Variants in PRKN observed in about 807,000 individuals in gnomAD.
PRKN encodes the protein E3 ubiquitin-protein ligase parkin.
In PRKN, 56 loss-of-function variants were observed where a neutral mutation model predicts 59.5. The observed-to-expected ratio is 0.94, with a 90% CI of 0.76 to 1.18. The LOEUF is 1.18. PRKN is among the 50% of genes most tolerant of loss of function. The pLI is 0.00. For missense variants in PRKN, 657 were observed against 596.4 expected (o/e 1.10, Z -1.06); for synonymous variants, 250 against 222.1 (o/e 1.13, Z -1.12).
intron 6 of PRKN, among the ~76,000 whole-genome samples, chr6:161,959,558 T>A (rs1425505216): frequency 6.6e-6 from 1 of 152,184 alleles, no homozygotes; most frequent in East Asian, 1.9e-4. Flanking sequence ...CCAAAACTAC[T>A]TCTTATACAA....
intron 2 of PRKN, among the ~76,000 whole-genome samples, chr6:162,349,166 A>G (rs1483497626): frequency 6.6e-6 from 1 of 152,194 alleles, no homozygotes. Flanking sequence ...ACTTTAGCAG[A>G]AAATTAAAAA....
intron 2 of PRKN, among the ~76,000 whole-genome samples, chr6:162,381,832 C>G (rs1296899679): frequency 1.3e-5 from 2 of 152,136 alleles, no homozygotes; most frequent in East Asian, 3.9e-4. Context: ...AATATACATT[C>G]TCTTTTCCAC....
At chr6:162,599,353 G>A (rs1781610638) in intron 1 of PRKN, among the ~76,000 whole-genome samples, 1 of 152,108 alleles carries the variant, frequency 6.6e-6, no homozygotes, top group Admixed American at 6.6e-5. Flanking sequence ...GGTGGACCAG[G>A]AAAGTCCACC....
chr6:162,112,635 G>A (rs2128302802), intron 4 of PRKN, among the ~76,000 whole-genome samples: 1 of 152,188 alleles, frequency 6.6e-6, no homozygotes, highest in East Asian at 1.9e-4. Context: ...AATGTCCTAG[G>A]CCGGGCGCAG....
chr6:162,514,155 A>C (rs993693346), intron 1 of PRKN, among the ~76,000 whole-genome samples: 21 of 152,344 alleles, frequency 1.4e-4, no homozygotes, highest in African/African-American at 5.1e-4. Flanking sequence ...CAGTAGACAA[A>C]AAAATATAAA....
intron 5 of PRKN, among the ~76,000 whole-genome samples, chr6:162,050,624 C>T (rs932619656): frequency 6.6e-6 from 1 of 152,114 alleles, no homozygotes; most frequent in Non-Finnish European, 1.5e-5. Context: ...AATTGCTTCC[C>T]AGGAGGTCCC....
intron 2 of PRKN, among the ~76,000 whole-genome samples, chr6:162,432,360 T>C (rs1429868427): frequency 6.6e-6 from 1 of 152,120 alleles, no homozygotes; most frequent in Non-Finnish European, 1.5e-5. Context: ...ACTCCAACTC[T>C]ATTAAAAATA....
At chr6:162,183,618 A>G (rs968041422) in intron 4 of PRKN, among the ~76,000 whole-genome samples, 5 of 152,212 alleles carry the variant, frequency 3.3e-5, no homozygotes, top group African/African-American at 7.2e-5. Flanking sequence ...AAGGAATTCA[A>G]TATGGTGATA....
intron 8 of PRKN, among the ~76,000 whole-genome samples, chr6:161,555,203 A>C (rs879335989): frequency 1.3e-5 from 2 of 152,086 alleles, no homozygotes; most frequent in African/African-American, 4.8e-5. Flanking sequence ...CTTTTAAGAC[A>C]ATATCTATTA....
At position 161,869,080 on chromosome 6, in the gene PRKN, T is replaced by TA. The variant is rs539695359; in HGVS notation, c.735-83173dup. 5.2e-3 allele frequency among the ~76,000 whole-genome samples: 799 copies of TA among 152,248 alleles called. 9 individuals are homozygous for TA. The highest frequency in any genetic ancestry group is 0.018 in the African/African-American group (764 of 41,546). ...GAACATGCTAAGAAATAGAAGTTATTAAAAATTAAAGGGGATAGCTGGGCG... is the reference window on the plus strand; with the variant it reads ...GAACATGCTAAGAAATAGAAGTTATTAAAAAATTAAAGGGGATAGCTGGGCG... On this transcript the variant is annotated intron_variant, in intron 6 of 11. Coordinates refer to ENST00000366898, the MANE Select transcript of PRKN (RefSeq NM_004562.3).
At chr6:161,808,079 A>G (rs1296412376) in intron 6 of PRKN, among the ~76,000 whole-genome samples, 1 of 152,224 alleles carries the variant, frequency 6.6e-6, no homozygotes, top group East Asian at 1.9e-4. Flanking sequence ...AAGATACAGA[A>G]TAAGGTACCC....
intron 6 of PRKN, among the ~76,000 whole-genome samples, chr6:161,874,721 ATATATAAAATGTAC>A (rs375046207): frequency 0.12 from 1,610 of 13,752 alleles, 11 homozygotes; most frequent in African/African-American, 0.16. Flanking sequence ...AAAATGTACA[ATATATAAAATGTAC>A]TATATATAAA....
At chr6:161,889,041 A>G (rs1795249040) in intron 6 of PRKN, among the ~76,000 whole-genome samples, 1 of 152,188 alleles carries the variant, frequency 6.6e-6, no homozygotes, top group African/African-American at 2.4e-5. Context: ...CTAAACTTCA[A>G]GTTTATTTCC....
At chr6:161,759,476 A>G (rs753240187) in intron 7 of PRKN, among the ~76,000 whole-genome samples, 30 of 140,638 alleles carry the variant, frequency 2.1e-4, no homozygotes, top group Non-Finnish European at 4.1e-4. Flanking sequence ...TTTGACTTGT[A>G]AAAACCAGGA....
intron 6 of PRKN, among the ~76,000 whole-genome samples, chr6:161,805,226 AT>A (rs1791257164): frequency 6.6e-6 from 1 of 151,986 alleles, no homozygotes; most frequent in African/African-American, 2.4e-5. Flanking sequence ...AAGTCAATAA[AT>A]CCCCTCTGTC....
intron 2 of PRKN, among the ~76,000 whole-genome samples, chr6:162,415,018 G>T (rs67315289): frequency 0.55 from 83,486 of 151,820 alleles, 23,916 homozygotes; most frequent in African/African-American, 0.71. Context: ...AATTTTCACT[G>T]ATTTCTGAGA....
chr6:162,545,805 A>C (rs939766942), intron 1 of PRKN, among the ~76,000 whole-genome samples: 3 of 152,182 alleles, frequency 2.0e-5, no homozygotes, highest in African/African-American at 7.2e-5. Context: ...TAGAGAAAAT[A>C]AGTCTAAAAA....
rs57609283 is a variant in PRKN at position 161,844,293 on chromosome 6, C to A, written c.735-58385G>T. On this transcript the variant is annotated intron_variant, in intron 6 of 11. Coordinates refer to ENST00000366898, the MANE Select transcript of PRKN (RefSeq NM_004562.3). ...CCTAGCTGAAAAAAAATTACAAAGTCGCATCAAAAGCAGAAATGAACATTG... is the reference window on the plus strand; with the variant it reads ...CCTAGCTGAAAAAAAATTACAAAGTAGCATCAAAAGCAGAAATGAACATTG... Among the ~76,000 whole-genome samples, 1,872 of 152,254 alleles carry A rather than the reference C, an allele frequency of 0.012. 54 individuals are homozygous for A. The East Asian group carries it at 0.12, about 10-fold the overall frequency.
chr6:161,735,808 G>A (rs1030342493), intron 7 of PRKN, among the ~76,000 whole-genome samples: 15 of 152,156 alleles, frequency 9.9e-5, no homozygotes, highest in South Asian at 2.1e-4. Context: ...CCAGCTACTC[G>A]GGAGGCTGAG....
Sources: allele counts gnomAD v4.1 joint callset (sites outside exome capture counted in the v4.1 genomes callset), GRCh38; gene constraint gnomAD v4.1.1; transcripts MANE v1.5; gene names NCBI Gene and HGNC (gene_info 2026-07-23, HGNC 2026-07-21).